CFH: variants seen among roughly 807,000 people sequenced by gnomAD.
The protein encoded by CFH is complement factor H.
A neutral mutation model predicts 147.3 loss-of-function variants in CFH; 53 were observed. The observed-to-expected ratio is 0.36, with a 90% CI of 0.29 to 0.45. The LOEUF is 0.45. Among genes scored for constraint, CFH ranks in the 20% least tolerant of loss-of-function variants. The pLI is 1.00. For missense variants in CFH, 1,380 were observed against 1,498.0 expected, an observed-to-expected ratio of 0.92 and a Z score of 1.30; for synonymous variants, 536 against 489.4, an observed-to-expected ratio of 1.10 and a Z score of -1.26.
At chr1:196,703,284 G>A (rs995892717) in intron 9 of CFH, among the ~76,000 whole-genome samples, 1 of 152,134 alleles carries the variant, frequency 6.6e-6, no homozygotes, top group Non-Finnish European at 1.5e-5. Flanking sequence ...CCCATTGCAG[G>A]TCCCAACCAG....
intron 7 of CFH, among the ~76,000 whole-genome samples, chr1:196,687,763 G>A (rs1349134954): frequency 6.6e-6 from 1 of 151,906 alleles, no homozygotes; most frequent in East Asian, 1.9e-4. Context: ...AAGTGGTGAG[G>A]AAAAATGTAG....
intron 1 of CFH, among the ~76,000 whole-genome samples, chr1:196,664,592 C>T (rs1294471451): frequency 5.3e-5 from 8 of 152,124 alleles, no homozygotes; most frequent in Non-Finnish European, 7.4e-5. Context: ...AAACAAGCAG[C>T]GATTGGATTT....
chr1:196,659,028 ACTC>A (rs1307897783), intron 1 of CFH, among the ~76,000 whole-genome samples: 1 of 152,332 alleles, frequency 6.6e-6, no homozygotes, highest in East Asian at 1.9e-4. Context: ...GGCTTAGTCT[ACTC>A]ATTAATCTAG....
At chr1:196,684,450 A>G (rs1440017900) in intron 6 of CFH, among the ~76,000 whole-genome samples, 1 of 151,988 alleles carries the variant, frequency 6.6e-6, no homozygotes, top group Non-Finnish European at 1.5e-5. Context: ...GTAGATCAGA[A>G]GGGACTTTAC....
chr1:196,714,668 T>TATATATATAGAG (rs1362376856), intron 10 of CFH, among the ~76,000 whole-genome samples: 1 of 21,310 alleles, frequency 4.7e-5, no homozygotes, highest in Non-Finnish European at 8.4e-5. Flanking sequence ...TATATATATA[T>TATATATATAGAG]AGAGAGAGAG....
In CFH at chr1:196,710,509, T is replaced by C. The variant is rs181076463; in HGVS notation, c.1337-3226T>C. On this transcript the variant is annotated intron_variant, in intron 9 of 21. Coordinates refer to ENST00000367429, the MANE Select transcript of CFH (RefSeq NM_000186.4). The stretch of plus-strand genomic sequence containing the variant: ...CATGAGATCCTTTACTCACTGTAGC[T>C]TTTTTTAAGTCTTAAAATTTGGTAA... Among the ~76,000 whole-genome samples, 763 of 152,290 alleles carry C rather than the reference T, an allele frequency of 5.0e-3. 3 individuals carry two copies. Among genetic ancestry groups the C allele is most frequent in the Non-Finnish European group, 7.5e-3 (513 of 68,020 alleles).
chr1:196,730,693 T>G (rs1669261841), intron 15 of CFH, among the ~76,000 whole-genome samples: 1 of 151,832 alleles, frequency 6.6e-6, no homozygotes, highest in South Asian at 2.1e-4. Flanking sequence ...CCCCTACTAT[T>G]ACTGTGTTGC....
Position 196,695,487 on chromosome 1 carries a change from G to A in CFH, c.1336+5248G>A, listed in dbSNP as rs184672908. Among the ~76,000 whole-genome samples the A allele has an allele frequency of 7.2e-5, 11 of 152,174 alleles. No individual in the cohort carries two copies. The Middle Eastern group carries it at 0.014, about 190-fold the overall frequency. ...TTGATTAGGATTGTCTTGGCTAGATGGGACCTTTTTTTGGTTTCATATGAA... is the reference window on the plus strand; with the variant it reads ...TTGATTAGGATTGTCTTGGCTAGATAGGACCTTTTTTTGGTTTCATATGAA... On this transcript the variant is annotated intron_variant, in intron 9 of 21. Transcript: ENST00000367429.
chr1:196,657,997 ATGTT>A (rs1261980756), intron 1 of CFH, among the ~76,000 whole-genome samples: 1 of 152,122 alleles, frequency 6.6e-6, no homozygotes, highest in Non-Finnish European at 1.5e-5. Flanking sequence ...AATTAGTTCT[ATGTT>A]TGTATGTCAA....
chr1:196,679,507 G>T (rs923233505), intron 5 of CFH, 116 bp from the exon 6 acceptor site: 4 of 734,902 alleles, frequency 5.4e-6, no homozygotes, highest in African/African-American at 3.5e-5. Context: ...CAGAACTTTT[G>T]TTTGGTTGAC....
Position 196,658,407 on chromosome 1 carries a change from A to ATT in CFH, c.58+6253_58+6254dup, listed in dbSNP as rs549213437. 1.8e-3 allele frequency among the ~76,000 whole-genome samples: 166 copies of ATT among 92,238 alleles called. 13 individuals are homozygous for ATT. Among genetic ancestry groups the ATT allele is most frequent in the African/African-American group, 6.8e-3 (130 of 19,096 alleles). The allele number at this position is 92,238 out of a possible 152,430, so 60.5% of individuals were successfully genotyped here. On this transcript the variant is annotated intron_variant, in intron 1 of 21. Transcript: ENST00000367429. ...GGATTACAGCCACCTTGCTCAGGTA[A>ATT]TTTTTTTTTTTTTTTTTTTTTTGAG...
At chr1:196,725,423 G>A in intron 12 of CFH, 126 bp downstream of exon 12, 1 of 882,802 alleles carries the variant, frequency 1.1e-6, no homozygotes, top group Non-Finnish European at 1.8e-6. Flanking sequence ...ATTTGCCTGT[G>A]AAGGACATGT....
At chr1:196,654,943 G>T (rs1666634867) in intron 1 of CFH, among the ~76,000 whole-genome samples, 1 of 152,082 alleles carries the variant, frequency 6.6e-6, no homozygotes, top group African/African-American at 2.4e-5. Context: ...AGAGATAGTA[G>T]TATGTGTATT....
At chr1:196,741,792 G>C (rs1349484433) in intron 18 of CFH, 83 bp from the exon 19 acceptor site, 1 of 1,257,028 alleles carries the variant, frequency 8.0e-7, no homozygotes, top group Non-Finnish European at 1.2e-6. Context: ...TCTATATATC[G>C]CTATTTTAGA....
Position 196,706,927 on chromosome 1 carries a change from A to G in CFH, c.1337-6808A>G, listed in dbSNP as rs141552628. 3.9e-5 allele frequency among the ~76,000 whole-genome samples: 6 copies of G among 152,280 alleles called. No homozygotes were observed. The South Asian group carries it at 6.2e-4, about 16-fold the overall frequency. ...TGCTTGTATTTTTAGATACATTTTC[A>G]AGATAAACAAAATCATTCCGCTGCA... On this transcript the variant is annotated intron_variant, in intron 9 of 21. Coordinates refer to ENST00000367429, the MANE Select transcript of CFH (RefSeq NM_000186.4).
chr1:196,731,676 G>A (rs1669283548), intron 15 of CFH, among the ~76,000 whole-genome samples: 1 of 151,866 alleles, frequency 6.6e-6, no homozygotes, highest in South Asian at 2.1e-4. Context: ...TTGTAAGGCA[G>A]GAAAGTGTCC....
At chr1:196,659,031 CATT>C (rs1439493991) in intron 1 of CFH, among the ~76,000 whole-genome samples, 3 of 152,134 alleles carry the variant, frequency 2.0e-5, no homozygotes, top group Non-Finnish European at 4.4e-5. Flanking sequence ...TTAGTCTACT[CATT>C]AATCTAGAAT....
At chr1:196,708,613 G>GA (rs11398897) in intron 9 of CFH, among the ~76,000 whole-genome samples, 92,414 of 151,868 alleles carry the variant, frequency 0.61, 28,637 homozygotes, top group East Asian at 0.93. Context: ...TATTCCCCAT[G>GA]AAAAAATCCA....
chr1:196,671,823 T>TTA (rs930883260), intron 1 of CFH, among the ~76,000 whole-genome samples: 45 of 149,294 alleles, frequency 3.0e-4, no homozygotes, highest in African/African-American at 1.0e-3. Context: ...GACTCTGTTC[T>TTA]TATATATATA....
Sources: allele counts gnomAD v4.1 joint callset (sites outside exome capture counted in the v4.1 genomes callset), GRCh38; gene constraint gnomAD v4.1.1; transcripts MANE v1.5; gene names NCBI Gene and HGNC (gene_info 2026-07-23, HGNC 2026-07-21).